CYTH1: variants seen among roughly 807,000 people sequenced by gnomAD.
CYTH1 encodes the protein cytohesin-1.
CYTH1 carries 18 observed loss-of-function variants against 61.8 expected under a neutral mutation model. That is an observed-to-expected ratio of 0.29 (90% CI 0.20 to 0.43). CYTH1 has a LOEUF of 0.43. Ranked by LOEUF, CYTH1 falls within the 20% of genes least tolerant of loss-of-function variation. CYTH1 has a pLI of 1.00. For missense variants in CYTH1, 336 were observed against 510.5 expected (o/e 0.66, Z 3.29); for synonymous variants, 174 against 184.3 (o/e 0.94, Z 0.45).
chr17:78,698,775 T>G, intron 8 of CYTH1, 45 bp downstream of exon 8: 1 of 1,530,742 alleles, frequency 6.5e-7, no homozygotes, highest in East Asian at 2.4e-5. Context: ...CTGTTCCCAG[T>G]GAACTCTTTC....
At chr17:78,712,615 C>T (rs1343879187) in intron 1 of CYTH1, among the ~76,000 whole-genome samples, 2 of 151,922 alleles carry the variant, frequency 1.3e-5, no homozygotes, top group Non-Finnish European at 2.9e-5. Flanking sequence ...GAGATCGTGC[C>T]ACTGCACTCC....
chr17:78,713,833 A>T (rs1171796263), intron 1 of CYTH1, among the ~76,000 whole-genome samples: 1 of 151,292 alleles, frequency 6.6e-6, no homozygotes, highest in Non-Finnish European at 1.5e-5. Flanking sequence ...TCTAAACTGG[A>T]AACTCTAAAT....
intron 1 of CYTH1, among the ~76,000 whole-genome samples, chr17:78,720,720 C>A (rs1222799299): frequency 1.3e-5 from 2 of 152,104 alleles, no homozygotes; most frequent in Non-Finnish European, 2.9e-5. Context: ...ACAAAAAATA[C>A]AAAAGTTAGC....
intron 1 of CYTH1, among the ~76,000 whole-genome samples, chr17:78,754,349 C>CTT (rs879811186): frequency 2.0e-5 from 3 of 149,070 alleles, no homozygotes; most frequent in Non-Finnish European, 4.5e-5. Flanking sequence ...TTTTTGTTTT[C>CTT]TTTTTTTTTT....
intron 1 of CYTH1, among the ~76,000 whole-genome samples, chr17:78,770,630 G>A (rs2093467648): frequency 6.6e-6 from 1 of 152,092 alleles, no homozygotes. Context: ...TGTTGGCCAG[G>A]ATGGTCTCGA....
In CYTH1 at chr17:78,757,305, G is replaced by A. The variant is rs185055889; in HGVS notation, c.22+24897C>T. ...ACCCTCATCCTTTGGGGGGATGACC[G>A]TGAGTGCAGTTTAAAAAAAAGAAAA... On this transcript the variant is annotated intron_variant, in intron 1 of 13. Coordinates refer to ENST00000446868, the MANE Select transcript of CYTH1 (RefSeq NM_004762.6). Among the ~76,000 whole-genome samples the A allele has an allele frequency of 1.3e-3, 192 of 151,978 alleles. 3 individuals are homozygous for A. In the South Asian group the frequency reaches 0.013, roughly 11 times the overall value.
intron 13 of CYTH1, chr17:78,677,371 G>A (rs571474033): frequency 1.4e-4 from 31 of 224,778 alleles, no homozygotes; most frequent in African/African-American, 7.0e-4. Flanking sequence ...GGCTGCGGTC[G>A]GACACCAGGC....
chr17:78,691,610 T>C (rs946226131), intron 11 of CYTH1: 1 of 152,216 alleles, frequency 6.6e-6, no homozygotes, highest in Non-Finnish European at 1.5e-5. Flanking sequence ...CTTGATTTAC[T>C]TTAAGACAAA....
At chr17:78,698,732 T>C in intron 8 of CYTH1, 88 bp downstream of exon 8, 1 of 1,402,416 alleles carries the variant, frequency 7.1e-7, no homozygotes. Flanking sequence ...TGATAAATTG[T>C]ATGTTTTTTC....
chr17:78,716,070 A>G (rs956216074), intron 1 of CYTH1, among the ~76,000 whole-genome samples: 1 of 152,168 alleles, frequency 6.6e-6, no homozygotes, highest in Non-Finnish European at 1.5e-5. Context: ...GAAAATTGTG[A>G]TCAACTACCA....
At chr17:78,758,510 G>C (rs1381597471) in intron 1 of CYTH1, among the ~76,000 whole-genome samples, 1 of 152,134 alleles carries the variant, frequency 6.6e-6, no homozygotes, top group African/African-American at 2.4e-5. Flanking sequence ...TTCGAGACCA[G>C]CCTGACAAAC....
chr17:78,777,290 G>A (rs1314035911), intron 1 of CYTH1, among the ~76,000 whole-genome samples: 1 of 150,860 alleles, frequency 6.6e-6, no homozygotes, highest in Non-Finnish European at 1.5e-5. Context: ...GTGGTGGCGG[G>A]TGCCTGTAGT....
intron 1 of CYTH1, among the ~76,000 whole-genome samples, chr17:78,714,117 C>T (rs2093160875): frequency 6.6e-6 from 1 of 151,836 alleles, no homozygotes; most frequent in South Asian, 2.1e-4. Context: ...AGGTGAAACC[C>T]CGTCTCTACT....
chr17:78,732,672 G>A (rs2093300725), intron 1 of CYTH1, among the ~76,000 whole-genome samples: 1 of 152,174 alleles, frequency 6.6e-6, no homozygotes, highest in African/African-American at 2.4e-5. Flanking sequence ...ATAAGGAAGG[G>A]AGTGAGAAAT....
chr17:78,677,289 G>A (rs2092710813), intron 13 of CYTH1: 9 of 359,288 alleles, frequency 2.5e-5, no homozygotes, highest in Admixed American at 1.5e-4. Flanking sequence ...GTAAGCTGGG[G>A]GGTTCTGCAG....
Position 78,698,255 on chromosome 17 carries a change from A to G in CYTH1, c.811+14T>C. The G allele has an allele frequency of 6.2e-7, 1 of 1,601,576 alleles. No individual in the cohort carries two copies. ...GTCTCAGCTTTAGGAGCCCTGACTC[A>G]GAGGTGCGCTTACCGAGTTTCAATA... On this transcript the variant is annotated intron_variant, in intron 9 of 13. Coordinates refer to ENST00000446868, the MANE Select transcript of CYTH1 (RefSeq NM_004762.6).
chr17:78,684,454 T>G (rs963757801), intron 11 of CYTH1, among the ~76,000 whole-genome samples: 1 of 152,272 alleles, frequency 6.6e-6, no homozygotes, highest in East Asian at 1.9e-4. Flanking sequence ...TGATGACTTG[T>G]GTGTGCCCAA....
chr17:78,710,230 GA>G (rs2093114757), intron 1 of CYTH1, among the ~76,000 whole-genome samples: 1 of 152,182 alleles, frequency 6.6e-6, no homozygotes, highest in Non-Finnish European at 1.5e-5. Flanking sequence ...GGGGTTTGGA[GA>G]AAGAGACTAT....
chr17:78,712,190 A>G (rs532410733), intron 1 of CYTH1, among the ~76,000 whole-genome samples: 3 of 151,530 alleles, frequency 2.0e-5, no homozygotes, highest in East Asian at 3.9e-4. Context: ...GGTAGGAGAG[A>G]GAGAAAGAGA....
Sources: gnomAD v4.1 joint callset for allele counts (sites outside exome capture counted in the v4.1 genomes callset) on GRCh38, gnomAD v4.1.1 for gene constraint, MANE v1.5 for transcripts, NCBI Gene and HGNC (gene_info 2026-07-23, HGNC 2026-07-21) for gene names.